PCBP3: variants seen among roughly 807,000 people sequenced by gnomAD.
The protein encoded by PCBP3 is poly(rC) binding protein 3.
In PCBP3, 25 loss-of-function variants were observed where a neutral mutation model predicts 52.7. The observed-to-expected ratio is 0.47, with a 90% CI of 0.35 to 0.66. The LOEUF is 0.66. PCBP3 is among the 30% of genes least tolerant of loss of function. The probability of loss-of-function intolerance (pLI) is 0.01; values close to 1 mark genes in which losing one functional copy is unlikely to be tolerated. For missense variants in PCBP3, 391 were observed against 490.3 expected (o/e 0.80, Z 1.91); for synonymous variants, 162 against 183.0 (o/e 0.89, Z 0.93).
At chr21:45,847,820 G>A (rs2093848514) in intron 4 of PCBP3, among the ~76,000 whole-genome samples, 1 of 152,224 alleles carries the variant, frequency 6.6e-6, no homozygotes, top group African/African-American at 2.4e-5. Flanking sequence ...GTTTGTTCAA[G>A]TACATGATGA....
At chr21:45,899,148 G>A (rs932601500) in intron 6 of PCBP3, among the ~76,000 whole-genome samples, 5 of 152,262 alleles carry the variant, frequency 3.3e-5, no homozygotes, top group African/African-American at 7.2e-5. Context: ...ATCTTCCAGC[G>A]TTCCTTTTAA....
chr21:45,911,431 T>G, intron 11 of PCBP3: 1 of 282,604 alleles, frequency 3.5e-6, no homozygotes, highest in Non-Finnish European at 7.0e-6. Context: ...GGCAGGAGGC[T>G]CCTCTGCGCA....
At chr21:45,726,319 T>G (rs1002467422) in intron 2 of PCBP3, among the ~76,000 whole-genome samples, 1 of 152,044 alleles carries the variant, frequency 6.6e-6, no homozygotes, top group African/African-American at 2.4e-5. Flanking sequence ...TAGGAAATTA[T>G]CAGCAGAGAA....
intron 5 of PCBP3, among the ~76,000 whole-genome samples, chr21:45,851,899 C>T (rs180716563): frequency 2.2e-3 from 339 of 152,312 alleles, no homozygotes; most frequent in South Asian, 9.3e-3. Context: ...CTTTAAGGAA[C>T]ACTTGATTTC....
In PCBP3 at chr21:45,914,335, C is replaced by T. The variant is rs140560504; in HGVS notation, c.675+310C>T. Reference sequence around the variant, plus strand: ...TTTTAGGAAGCTTAGATAGCCGGCGCGCAGGCGCTTTCTAGGTGATTTTAC... The same window carrying T: ...TTTTAGGAAGCTTAGATAGCCGGCGTGCAGGCGCTTTCTAGGTGATTTTAC... On this transcript the variant is annotated intron_variant, in intron 12 of 17. Coordinates refer to ENST00000681687, the MANE Select transcript of PCBP3 (RefSeq NM_001384156.1). 195 of 513,170 alleles carry T rather than the reference C, an allele frequency of 3.8e-4. No homozygotes were observed. In the East Asian group the frequency reaches 6.2e-3, roughly 16 times the overall value. 31.8% of individuals were successfully genotyped at this position (513,170 alleles called of 1,614,324 possible).
intron 5 of PCBP3, chr21:45,893,945 G>A: frequency 1.0e-6 from 1 of 985,550 alleles, no homozygotes; most frequent in South Asian, 4.7e-5. Context: ...GATGGCCAGT[G>A]TTAGCTGGGA....
intron 2 of PCBP3, among the ~76,000 whole-genome samples, chr21:45,678,862 G>T (rs2081636028): frequency 6.6e-6 from 1 of 151,958 alleles, no homozygotes; most frequent in Non-Finnish European, 1.5e-5. Context: ...ATGGTGAAAG[G>T]CTATCAAACA....
chr21:45,729,177 T>G (rs2085274637), intron 2 of PCBP3, among the ~76,000 whole-genome samples: 1 of 152,204 alleles, frequency 6.6e-6, no homozygotes, highest in Non-Finnish European at 1.5e-5. Flanking sequence ...ATATATAACC[T>G]TTTACGTCTG....
intron 13 of PCBP3, among the ~76,000 whole-genome samples, chr21:45,924,546 T>C (rs376279442): frequency 1.3e-4 from 2 of 15,094 alleles, no homozygotes. Flanking sequence ...CGGGTGTGCG[T>C]GAGGAGATGC....
At chr21:45,764,047 T>C (rs963589516) in intron 4 of PCBP3, among the ~76,000 whole-genome samples, 3 of 152,210 alleles carry the variant, frequency 2.0e-5, no homozygotes, top group Admixed American at 2.0e-4. Context: ...AGTGAAGCTG[T>C]CTAGCTCCTC....
intron 2 of PCBP3, among the ~76,000 whole-genome samples, chr21:45,686,711 TAA>T (rs1603261392): frequency 2.0e-5 from 3 of 151,954 alleles, no homozygotes; most frequent in Admixed American, 1.3e-4. Flanking sequence ...AGAAGATATA[TAA>T]AAAAGAGTCA....
At chr21:45,894,960 A>G (rs1256930083) in intron 5 of PCBP3, among the ~76,000 whole-genome samples, 1 of 152,250 alleles carries the variant, frequency 6.6e-6, no homozygotes, top group African/African-American at 2.4e-5. Flanking sequence ...TAAAATTACA[A>G]TAATTTTGTG....
chr21:45,873,787 T>C (rs1050936418), intron 5 of PCBP3, among the ~76,000 whole-genome samples: 3 of 152,220 alleles, frequency 2.0e-5, no homozygotes, highest in East Asian at 1.9e-4. Flanking sequence ...GTTGTTGTCG[T>C]TGGGTTTTCT....
intron 3 of PCBP3, among the ~76,000 whole-genome samples, chr21:45,747,872 G>A (rs2087044537): frequency 6.6e-6 from 1 of 152,146 alleles, no homozygotes; most frequent in African/African-American, 2.4e-5. Context: ...CGTTCCTTCT[G>A]GACCTTCTCT....
intron 2 of PCBP3, among the ~76,000 whole-genome samples, chr21:45,707,475 C>T (rs1254131243): frequency 6.6e-6 from 1 of 152,034 alleles, no homozygotes; most frequent in Non-Finnish European, 1.5e-5. Context: ...GAGATCATGC[C>T]ATTGCACTCC....
At chr21:45,782,209 G>T (rs1448572027) in intron 4 of PCBP3, among the ~76,000 whole-genome samples, 1 of 152,112 alleles carries the variant, frequency 6.6e-6, no homozygotes, top group East Asian at 1.9e-4. Flanking sequence ...ATAAAAACGT[G>T]AGAAATAGAC....
intron 5 of PCBP3, among the ~76,000 whole-genome samples, chr21:45,863,872 G>A (rs1378350873): frequency 6.6e-6 from 1 of 152,194 alleles, no homozygotes; most frequent in East Asian, 1.9e-4. Context: ...TTGGTTGACT[G>A]TCGGGGAAAT....
At chr21:45,777,090 T>A (rs1010213501) in intron 4 of PCBP3, among the ~76,000 whole-genome samples, 5 of 152,236 alleles carry the variant, frequency 3.3e-5, no homozygotes, top group Non-Finnish European at 7.3e-5. Flanking sequence ...GCATTTCGTG[T>A]AGGGATGATG....
At chr21:45,706,508 C>T (rs369276384) in intron 2 of PCBP3, among the ~76,000 whole-genome samples, 6 of 152,006 alleles carry the variant, frequency 3.9e-5, no homozygotes, top group Non-Finnish European at 7.4e-5. Context: ...CTACTGCCCC[C>T]CTTTCCCTAC....
Sources: gnomAD v4.1 joint callset for allele counts (sites outside exome capture counted in the v4.1 genomes callset) on GRCh38, gnomAD v4.1.1 for gene constraint, MANE v1.5 for transcripts, NCBI Gene and HGNC (gene_info 2026-07-23, HGNC 2026-07-21) for gene names.